HACD2: variants seen among roughly 807,000 people sequenced by gnomAD.
HACD2 encodes the protein 3-hydroxyacyl-CoA dehydratase 2.
Under a neutral mutation model 31.0 loss-of-function variants are expected in HACD2, and 15 were observed. That is an observed-to-expected ratio of 0.48 (90% CI 0.32 to 0.75). The LOEUF (loss-of-function observed/expected upper bound fraction) is 0.75. HACD2 is among the 30% of genes least tolerant of loss of function. HACD2 has a pLI of 0.03. For synonymous variants in HACD2, 115 were observed against 122.2 expected (o/e 0.94, Z 0.39); for missense variants, 283 against 313.0 (o/e 0.90, Z 0.72).
At chr3:123,571,950 G>A (rs1042879832) in intron 2 of HACD2, among the ~76,000 whole-genome samples, 25 of 152,116 alleles carry the variant, frequency 1.6e-4, no homozygotes, top group Admixed American at 9.2e-4. Context: ...TTGGCCTGGG[G>A]AGATATGCAG....
chr3:123,567,351 T>G (rs1000740620), intron 3 of HACD2, among the ~76,000 whole-genome samples: 3 of 152,162 alleles, frequency 2.0e-5, no homozygotes, highest in Admixed American at 6.5e-5. Flanking sequence ...CATGTAATAT[T>G]CACCTGGGAG....
intron 4 of HACD2, among the ~76,000 whole-genome samples, chr3:123,511,103 A>C (rs909476128): frequency 6.6e-6 from 1 of 152,048 alleles, no homozygotes; most frequent in Non-Finnish European, 1.5e-5. Context: ...AAAATATTCA[A>C]ATCCTTTGCC....
intron 3 of HACD2, among the ~76,000 whole-genome samples, chr3:123,554,568 TATAAC>T (rs2056654753): frequency 6.6e-6 from 1 of 151,972 alleles, no homozygotes; most frequent in Non-Finnish European, 1.5e-5. Flanking sequence ...ATACAGCAAA[TATAAC>T]AGAGTATGTA....
At chr3:123,517,727 T>C (rs990805443) in intron 4 of HACD2, among the ~76,000 whole-genome samples, 1 of 152,186 alleles carries the variant, frequency 6.6e-6, no homozygotes, top group Admixed American at 6.5e-5. Flanking sequence ...AAACTGGCAA[T>C]ATATTTTGTG....
At position 123,558,849 on chromosome 3, in the gene HACD2, C is replaced by A. The variant is rs140675398; in HGVS notation, c.292+8913G>T. On this transcript the variant is annotated intron_variant, in intron 3 of 6. Transcript: ENST00000383657. ...TAACTACTTGGTGTTCCCAACTTTG[C>A]AGGACTAACCTTGCTTTTGAAGCTA... is the stretch of plus-strand genomic sequence containing the variant. Among the ~76,000 whole-genome samples the A allele has an allele frequency of 1.8e-3, 275 of 152,302 alleles. 5 individuals carry two copies. Among genetic ancestry groups the A allele is most frequent in the Admixed American group, 4.2e-3 (65 of 15,302 alleles).
At chr3:123,528,359 A>C in intron 4 of HACD2, 27 bp downstream of exon 4, 1 of 1,352,258 alleles carries the variant, frequency 7.4e-7, no homozygotes, top group African/African-American at 1.4e-5. Context: ...TAGTGTTGAC[A>C]TTATTTTGGT....
intron 1 of HACD2, among the ~76,000 whole-genome samples, chr3:123,583,081 T>C (rs1266205858): frequency 6.6e-6 from 1 of 152,232 alleles, no homozygotes; most frequent in Non-Finnish European, 1.5e-5. Flanking sequence ...TAGTATCAAC[T>C]AGGCAATGGG....
At chr3:123,575,368 T>C (rs1046173750) in intron 2 of HACD2, among the ~76,000 whole-genome samples, 1 of 152,180 alleles carries the variant, frequency 6.6e-6, no homozygotes, top group Non-Finnish European at 1.5e-5. Context: ...CCTCCCACCT[T>C]GGCCTTCCAA....
intron 3 of HACD2, among the ~76,000 whole-genome samples, chr3:123,548,077 C>A (rs1032434752): frequency 1.3e-5 from 2 of 152,050 alleles, no homozygotes; most frequent in African/African-American, 4.8e-5. Flanking sequence ...GAAAAACAAG[C>A]CTGTGGTGGG....
intron 2 of HACD2, among the ~76,000 whole-genome samples, chr3:123,580,853 AT>A (rs60669874): frequency 0.62 from 65,023 of 105,250 alleles, 18,214 homozygotes; most frequent in African/African-American, 0.69. Flanking sequence ...GAGATAAAGA[AT>A]TTTTTTTTTT....
chr3:123,567,394 A>G (rs917708643), intron 3 of HACD2, among the ~76,000 whole-genome samples: 2 of 152,232 alleles, frequency 1.3e-5, no homozygotes, highest in African/African-American at 4.8e-5. Context: ...AGATAAGGAG[A>G]GAGAATGATA....
intron 4 of HACD2, among the ~76,000 whole-genome samples, chr3:123,523,284 G>A (rs533149934): frequency 7.9e-5 from 12 of 152,222 alleles, no homozygotes; most frequent in South Asian, 2.1e-4. Flanking sequence ...AAGGAAAACC[G>A]TGTTCTCTCT....
intron 4 of HACD2, among the ~76,000 whole-genome samples, chr3:123,524,609 C>T (rs917267481): frequency 6.6e-6 from 1 of 152,124 alleles, no homozygotes; most frequent in African/African-American, 2.4e-5. Context: ...ATTTCCACTC[C>T]ATAGGGGAGT....
chr3:123,495,482 G>A (rs2107675573), intron 6 of HACD2, among the ~76,000 whole-genome samples: 1 of 152,226 alleles, frequency 6.6e-6, no homozygotes, highest in Middle Eastern at 3.4e-3. Flanking sequence ...CCCAGGGCAG[G>A]TGATTCTTTG....
At position 123,493,806 on chromosome 3, in the gene HACD2, A is replaced by G. The variant is rs1168393792; in HGVS notation, c.*1082T>C. 1 of 152,224 alleles carries G rather than the reference A, an allele frequency of 6.6e-6. No individual in the cohort carries two copies. Among genetic ancestry groups the G allele is most frequent in the Admixed American group, 6.5e-5 (1 of 15,280 alleles). 9.4% of individuals were successfully genotyped at this position (152,224 alleles called of 1,614,324 possible). A position where few individuals can be genotyped will look rare whatever the true frequency, so the allele number is the denominator to read the frequency against. ...CATGACAGCCCAAGGGGAATGTTTT[A>G]CTGACTATGGACTTATAGCTTGGTG... On this transcript the variant is annotated 3_prime_UTR_variant, in exon 7 of 7. Transcript: ENST00000383657.
At chr3:123,513,811 G>A (rs1475330405) in intron 4 of HACD2, among the ~76,000 whole-genome samples, 2 of 152,148 alleles carry the variant, frequency 1.3e-5, no homozygotes, top group African/African-American at 4.8e-5. Context: ...TTTGAATGGA[G>A]CATACTGGAT....
At chr3:123,497,552 G>A (rs761113606) in intron 6 of HACD2, among the ~76,000 whole-genome samples, 1 of 152,190 alleles carries the variant, frequency 6.6e-6, no homozygotes, top group Non-Finnish European at 1.5e-5. Flanking sequence ...TGACAACCTG[G>A]AAAGCGCCAG....
chr3:123,557,416 T>C (rs1164916946), intron 3 of HACD2, among the ~76,000 whole-genome samples: 2 of 151,998 alleles, frequency 1.3e-5, no homozygotes, highest in African/African-American at 4.8e-5. Flanking sequence ...CAGGCTGAGG[T>C]GGGAGGGTCA....
intron 4 of HACD2, among the ~76,000 whole-genome samples, chr3:123,507,423 CAGCAA>C (rs2055990690): frequency 6.6e-6 from 1 of 152,076 alleles, no homozygotes; most frequent in African/African-American, 2.4e-5. Context: ...GAATACTATT[CAGCAA>C]CATAAAGGTA....
Sources: allele counts gnomAD v4.1 joint callset (sites outside exome capture counted in the v4.1 genomes callset), GRCh38; gene constraint gnomAD v4.1.1; transcripts MANE v1.5; gene names NCBI Gene and HGNC (gene_info 2026-07-23, HGNC 2026-07-21).